Variants in HIVEP3 observed in about 807,000 individuals in gnomAD.
The protein encoded by HIVEP3 is transcription factor HIVEP3.
A neutral mutation model predicts 152.8 loss-of-function variants in HIVEP3; 49 were observed. The ratio of observed to expected loss-of-function variants is 0.32; its 90% CI spans 0.26 to 0.41. The LOEUF (loss-of-function observed/expected upper bound fraction) is 0.41, where lower values mean the gene tolerates loss of function less well. Among genes scored for constraint, HIVEP3 ranks in the 10% least tolerant of loss-of-function variants. The probability of loss-of-function intolerance (pLI) is 1.00; values close to 1 mark genes in which losing one functional copy is unlikely to be tolerated. For missense variants in HIVEP3, 2,790 were observed against 3,103.3 expected, an observed-to-expected ratio of 0.90 and a Z score of 2.40; for synonymous variants, 1,269 against 1,289.0, an observed-to-expected ratio of 0.98 and a Z score of 0.33.
intron 1 of HIVEP3, among the ~76,000 whole-genome samples, chr1:41,849,926 G>T (rs1339863005): frequency 6.6e-6 from 1 of 151,854 alleles, no homozygotes; most frequent in Admixed American, 6.6e-5. Flanking sequence ...CCTGACCTTG[G>T]GATCCACCCA....
rs1190986389 is a variant in HIVEP3, at chr1:41,700,038, C to T, written c.-721+878G>A. Among the ~76,000 whole-genome samples the T allele has an allele frequency of 6.6e-5, 10 of 152,260 alleles. No homozygotes were observed. In the South Asian group the frequency reaches 1.7e-3, roughly 25 times the overall value. Reference sequence around the variant, plus strand: ...CTTCTTCCATTTTTCACCCGGTGAACTTCTATTCATCCTTCAAAGCCCAGT... The same window carrying T: ...CTTCTTCCATTTTTCACCCGGTGAATTTCTATTCATCCTTCAAAGCCCAGT... On this transcript the variant is annotated intron_variant, in intron 2 of 8. Transcript: ENST00000372583.
intron 1 of HIVEP3, among the ~76,000 whole-genome samples, chr1:41,901,204 G>T (rs375392321): frequency 6.6e-6 from 1 of 152,042 alleles, no homozygotes; most frequent in East Asian, 1.9e-4. Flanking sequence ...CTAAGACAGG[G>T]TGCATCTGAA....
At chr1:41,746,146 G>A (rs1647067935) in intron 1 of HIVEP3, among the ~76,000 whole-genome samples, 1 of 152,114 alleles carries the variant, frequency 6.6e-6, no homozygotes, top group Non-Finnish European at 1.5e-5. Context: ...GTTTCCCTCT[G>A]TGGCTAATGC....
At chr1:41,704,443 C>T (rs1646405692) in intron 1 of HIVEP3, among the ~76,000 whole-genome samples, 1 of 152,236 alleles carries the variant, frequency 6.6e-6, no homozygotes, top group Non-Finnish European at 1.5e-5. Context: ...TTAGAGAATT[C>T]CTTGCAAGCG....
At chr1:41,600,983 A>G (rs1644740003) in intron 3 of HIVEP3, among the ~76,000 whole-genome samples, 1 of 152,182 alleles carries the variant, frequency 6.6e-6, no homozygotes, top group Non-Finnish European at 1.5e-5. Context: ...ATGAATATCC[A>G]GTTTTCCCAG....
At chr1:41,527,080 ACACACACC>A (rs1430969564) in intron 5 of HIVEP3, among the ~76,000 whole-genome samples, 1 of 61,962 alleles carries the variant, frequency 1.6e-5, no homozygotes, top group African/African-American at 6.6e-5. Context: ...GCTCATCCTC[ACACACACC>A]CACACACCCA....
intron 1 of HIVEP3, among the ~76,000 whole-genome samples, chr1:41,865,967 G>A (rs1421732905): frequency 6.6e-6 from 1 of 152,224 alleles, no homozygotes; most frequent in Non-Finnish European, 1.5e-5. Context: ...TATGGTAGAA[G>A]GGAGCATCGA....
At chr1:41,619,661 G>C (rs1645018691) in intron 3 of HIVEP3, among the ~76,000 whole-genome samples, 1 of 152,160 alleles carries the variant, frequency 6.6e-6, no homozygotes. Context: ...TGTTAGGAGT[G>C]GGGGAAGGGA....
At chr1:41,843,674 G>T (rs1467278491) in intron 1 of HIVEP3, among the ~76,000 whole-genome samples, 6 of 151,980 alleles carry the variant, frequency 3.9e-5, no homozygotes, top group Admixed American at 3.9e-4. Flanking sequence ...AAAGAGAAAA[G>T]GCTTCTATTC....
At chr1:41,747,546 A>G (rs1053060321) in intron 1 of HIVEP3, among the ~76,000 whole-genome samples, 4 of 152,276 alleles carry the variant, frequency 2.6e-5, no homozygotes, top group African/African-American at 9.6e-5. Flanking sequence ...TTATGATCCC[A>G]TCCTAGAGAT....
chr1:41,681,127 CA>C (rs1646032225), intron 2 of HIVEP3, among the ~76,000 whole-genome samples: 1 of 146,984 alleles, frequency 6.8e-6, no homozygotes, highest in Non-Finnish European at 1.5e-5. Flanking sequence ...TGTGTATAGA[CA>C]GAGACTGTCT....
At chr1:41,722,390 A>C (rs1646686127) in intron 1 of HIVEP3, among the ~76,000 whole-genome samples, 1 of 139,936 alleles carries the variant, frequency 7.1e-6, no homozygotes, top group African/African-American at 2.9e-5. Context: ...GATCAGCAAA[A>C]TAAATTTGGC....
chr1:41,525,835 G>T (rs999768435), intron 5 of HIVEP3, among the ~76,000 whole-genome samples: 1 of 152,174 alleles, frequency 6.6e-6, no homozygotes, highest in African/African-American at 2.4e-5. Context: ...AGTCTCAGAT[G>T]CGGTGGGGAG....
chr1:41,675,991 A>G (rs1050576948), intron 2 of HIVEP3, among the ~76,000 whole-genome samples: 5 of 152,130 alleles, frequency 3.3e-5, no homozygotes, highest in African/African-American at 1.2e-4. Flanking sequence ...GCCGGGCAAC[A>G]TCTAATGCCA....
intron 2 of HIVEP3, 77 bp from the exon 3 acceptor site, chr1:41,629,024 G>C (rs1456420208): frequency 9.1e-7 from 1 of 1,094,740 alleles, no homozygotes; most frequent in African/African-American, 1.6e-5. Flanking sequence ...ATCCCTGCCT[G>C]GTCCCTGGAG....
At chr1:41,577,913 A>G (rs1558076940) in intron 4 of HIVEP3, among the ~76,000 whole-genome samples, 1 of 152,236 alleles carries the variant, frequency 6.6e-6, no homozygotes, top group Non-Finnish European at 1.5e-5. Flanking sequence ...GCAATTCTGG[A>G]AGGAAACATG....
At chr1:41,558,702 T>A (rs1415670128) in intron 5 of HIVEP3, among the ~76,000 whole-genome samples, 1 of 152,164 alleles carries the variant, frequency 6.6e-6, no homozygotes, top group Non-Finnish European at 1.5e-5. Context: ...CCATTCCTTG[T>A]CACTTTCCCT....
intron 1 of HIVEP3, among the ~76,000 whole-genome samples, chr1:41,811,696 G>C (rs191136617): frequency 3.4e-4 from 52 of 151,980 alleles, no homozygotes; most frequent in African/African-American, 1.2e-3. Context: ...CCACGGGGAG[G>C]GGGTGGGGAA....
intron 1 of HIVEP3, among the ~76,000 whole-genome samples, chr1:41,771,866 C>T (rs1406502394): frequency 1.3e-5 from 2 of 152,178 alleles, no homozygotes; most frequent in South Asian, 2.1e-4. Flanking sequence ...GGGGTTTCAC[C>T]GTGTTAGCCA....
Sources: allele counts gnomAD v4.1 joint callset (sites outside exome capture counted in the v4.1 genomes callset), GRCh38; gene constraint gnomAD v4.1.1; transcripts MANE v1.5; gene names NCBI Gene and HGNC (gene_info 2026-07-23, HGNC 2026-07-21).